Variants in SNAPC4 observed in about 807,000 individuals in gnomAD.
The protein encoded by SNAPC4 is small nuclear RNA activating complex polypeptide 4, also known as snRNA-activating protein complex subunit 4.
In SNAPC4, 127 loss-of-function variants were observed where a neutral mutation model predicts 151.3. The ratio of observed to expected loss-of-function variants is 0.84; its 90% CI spans 0.73 to 0.97. The LOEUF is 0.97. SNAPC4 is among the 50% of genes least tolerant of loss of function. The pLI is 0.00. For missense variants in SNAPC4, 2,186 were observed against 1,935.0 expected (o/e 1.13, Z -2.43); for synonymous variants, 1,002 against 824.4 (o/e 1.22, Z -3.69).
In SNAPC4 at chr9:136,382,030, C is replaced by T. The variant is rs781312812; in HGVS notation, c.2111G>A (p.Gly704Glu). ...RQPPLPTSSP[G>E]VSSGDSVARS... ...GGCCACGCTGTCACCAGAGCTGACC[C>T]CTGGGGATGAGGTGGGCAGGGGTGG... is the stretch of plus-strand genomic sequence containing the variant. Residue 704 changes from glycine to glutamate, a missense_variant, in exon 18 of 24, where the codon GGG becomes GAG. Coordinates refer to ENST00000684778, the MANE Select transcript of SNAPC4 (RefSeq NM_003086.4). 1 of 1,604,958 alleles carries T rather than the reference C, an allele frequency of 6.2e-7. No individual in the cohort carries two copies. Among genetic ancestry groups the T allele is most frequent in the South Asian group, 1.1e-5 (1 of 90,134 alleles).
chr9:136,376,854 C>T (rs1401281777), intron 22 of SNAPC4, among the ~76,000 whole-genome samples: 6 of 152,196 alleles, frequency 3.9e-5, no homozygotes, highest in Non-Finnish European at 8.8e-5. Context: ...CAGGGACTTG[C>T]GAGACACAAC....
intron 22 of SNAPC4, among the ~76,000 whole-genome samples, chr9:136,376,842 C>A (rs371840940): frequency 6.6e-6 from 1 of 152,198 alleles, no homozygotes; most frequent in South Asian, 2.1e-4. Flanking sequence ...CACACTTCAG[C>A]CCAGGGACTT....
In SNAPC4 at chr9:136,383,355, C is replaced by G. The variant is rs763899651; in HGVS notation, c.1814G>C (p.Ser605Thr). ...AASLSPPKGSSASQGGSKEAS... is the reference protein window; with the variant it reads ...AASLSPPKGSTASQGGSKEAS... ...TTCCTTGCTGCCGCCCTGGCTGGCA[C>G]TGGACCCCTTGGGAGGGCTGAGGGA... The change falls in exon 16 of 24, where the codon AGT becomes ACT. Residue 605 changes from serine (S) to threonine (T), a missense_variant. Transcript: ENST00000684778. This position sits in a 1 kb window ranked among gnomAD's most constrained non-coding sequence, Gnocchi z 4.2. 35 of 1,607,448 alleles carry G rather than the reference C, an allele frequency of 2.2e-5. No homozygotes were observed. The highest frequency in any genetic ancestry group is 2.7e-5 in the Non-Finnish European group (32 of 1,177,548).
intron 19 of SNAPC4, 47 bp from the exon 20 acceptor site, chr9:136,380,897 G>C (rs1317422842): frequency 3.5e-6 from 4 of 1,143,826 alleles, no homozygotes; most frequent in Non-Finnish European, 5.3e-6. Flanking sequence ...TTCGGGAGCA[G>C]CTCCGAAGCT....
At position 136,379,143 on chromosome 9, in the gene SNAPC4, T is replaced by TC; in HGVS notation, c.2683dup (p.Glu895GlyfsTer145). 5 of 1,577,372 alleles carry TC rather than the reference T, an allele frequency of 3.2e-6. No individual in the cohort carries two copies. The highest frequency in any genetic ancestry group is 4.3e-6 in the Non-Finnish European group (5 of 1,162,466). ...CTGAAGCCGCTTCTCCTGAAGCAGC[T>TC]CCGACACAGTCTTGGGCTTGGGCCG... On this transcript the variant is annotated frameshift_variant, in exon 22 of 24. Transcript: ENST00000684778. LOFTEE classifies it high-confidence loss of function.
rs377155459 is a variant in SNAPC4, at chr9:136,383,295, G to C, written c.1874C>G (p.Thr625Arg). Reference protein sequence around the residue: ...STTAAAPGEETSPVQVPARAH... With the variant: ...STTAAAPGEERSPVQVPARAH... ...CCTGGCAGGGACCTGCACCGGACTC[G>C]TCTCCTCTCCAGGAGCCGCGGCTGT... The change falls in exon 16 of 24, where the codon ACG becomes AGG. Residue 625 changes from threonine to arginine, a missense_variant. Transcript: ENST00000684778. The surrounding 1 kb of genome is among the most constrained non-coding windows in gnomAD (Gnocchi z 4.2). 6.2e-7 allele frequency: 1 copy of C among 1,611,982 alleles called. No individual in the cohort carries two copies. Among genetic ancestry groups the C allele is most frequent in the Non-Finnish European group, 8.5e-7 (1 of 1,179,720 alleles).
At chr9:136,399,254 G>C (rs1834372832) in intron 1 of SNAPC4, among the ~76,000 whole-genome samples, 1 of 152,204 alleles carries the variant, frequency 6.6e-6, no homozygotes, top group Non-Finnish European at 1.5e-5. Context: ...GGCTGACTGG[G>C]GCCCTGCCCA....
intron 9 of SNAPC4, 118 bp from the exon 10 acceptor site, chr9:136,392,224 C>A (rs538644917): frequency 7.8e-7 from 1 of 1,288,660 alleles, no homozygotes; most frequent in South Asian, 1.2e-5. Flanking sequence ...TGCAAGTAAG[C>A]GCAATCTTCG....
chr9:136,393,682 G>A (rs975413018), intron 7 of SNAPC4, among the ~76,000 whole-genome samples: 8 of 152,036 alleles, frequency 5.3e-5, no homozygotes, highest in South Asian at 2.1e-4. Flanking sequence ...TGGCCGTGTG[G>A]ACCGACCCCG....
chr9:136,388,020 C>A (rs1833947840), intron 11 of SNAPC4, among the ~76,000 whole-genome samples, 172 bp from the exon 12 acceptor site: 2 of 152,166 alleles, frequency 1.3e-5, no homozygotes, highest in African/African-American at 4.8e-5. Flanking sequence ...GTCATCCCAG[C>A]ACTTTGGGAG....
In SNAPC4 at chr9:136,378,760, G is replaced by C; in HGVS notation, c.3067C>G (p.Leu1023Val). The C allele has an allele frequency of 6.5e-7, 1 of 1,535,144 alleles. No individual in the cohort carries two copies. Among genetic ancestry groups the C allele is most frequent in the Non-Finnish European group, 8.8e-7 (1 of 1,140,434 alleles). Residue 1023 changes from leucine (L) to valine (V), a missense_variant, in exon 22 of 24, where the codon CTC (leucine) becomes GTC (valine). Coordinates refer to ENST00000684778, the MANE Select transcript of SNAPC4 (RefSeq NM_003086.4). ...GCAGCGGGGGCCTGAGACTGTCCGA[G>C]ACCACTCTCGGGGCAGCTCACAGAG... is the stretch of plus-strand genomic sequence containing the variant. ...QISVSCPESG[L>V]GQSQAPAASR...
chr9:136,394,164 CTTGGCCTCCCAAAGTGCTGGGATTCCAGG>C (rs1162073540), intron 7 of SNAPC4, 56 bp downstream of exon 7: 1 of 1,090,190 alleles, frequency 9.2e-7, no homozygotes, highest in Admixed American at 1.7e-5. Flanking sequence ...ATCCTCCTGC[CTTGGCCTCCCAAAGTGCTGGGATTCCAGG>C]CATGAGCCCT....
chr9:136,381,781 C>T (rs756907723), intron 18 of SNAPC4, 43 bp downstream of exon 18: 4 of 1,584,468 alleles, frequency 2.5e-6, no homozygotes, highest in Non-Finnish European at 3.4e-6. Flanking sequence ...TTCATCCTCA[C>T]CCCTCGCCCC....
chr9:136,384,348 C>A (rs1049087350), intron 14 of SNAPC4, among the ~76,000 whole-genome samples: 1 of 152,228 alleles, frequency 6.6e-6, no homozygotes, highest in African/African-American at 2.4e-5. Context: ...CCGCTCTTCA[C>A]AGTGTGGGGC....
Position 136,380,841 on chromosome 9 carries a change from T to C in SNAPC4, c.2398A>G (p.Ile800Val), listed in dbSNP as rs1335429245. The C allele has an allele frequency of 1.9e-6, 3 of 1,602,144 alleles. No individual in the cohort carries two copies. In the South Asian group the frequency reaches 3.3e-5, roughly 18 times the overall value. ...VFTLFTQLFH[I>V]DTAGCLEVVR... ...ACCTCCAAGCAGCCGGCAGTATCGA[T>C]GTGGAACAGCTGCGGGACACAGGAG... is the stretch of plus-strand genomic sequence containing the variant. The change falls in exon 20 of 24, where the codon ATC (isoleucine) becomes GTC (valine). Residue 800 changes from isoleucine to valine, a missense_variant. Transcript: ENST00000684778.
Position 136,377,581 on chromosome 9 carries a change from C to T in SNAPC4, c.4246G>A (p.Gly1416Arg), listed in dbSNP as rs772263342. Residue 1416 changes from glycine to arginine, a missense_variant, in exon 22 of 24, where the codon GGG becomes AGG. Coordinates refer to ENST00000684778, the MANE Select transcript of SNAPC4 (RefSeq NM_003086.4). ...LSELELADRD[G>R]QPGCTTATCP... ...GTGGCTGTCGTGCAGCCCGGCTGCC[C>T]GTCCCTGTCTGCAAGTTCCAGCTCA... The T allele has an allele frequency of 2.6e-5, 40 of 1,525,328 alleles. No individual in the cohort carries two copies. The highest frequency in any genetic ancestry group is 1.8e-4 in the Middle Eastern group (1 of 5,666). The allele number at this position is 1,525,328 out of a possible 1,614,324, so 94.5% of individuals were successfully genotyped here. A position where few individuals can be genotyped will look rare whatever the true frequency, so the allele number is the denominator to read the frequency against.
chr9:136,395,021 C>T (rs1428947724), intron 5 of SNAPC4, 143 bp from the exon 6 acceptor site: 5 of 795,454 alleles, frequency 6.3e-6, no homozygotes, highest in East Asian at 2.7e-5. Context: ...GGGTGCAACC[C>T]TGCCGGCCAC....
rs112457079 is a variant in SNAPC4 at position 136,383,717 on chromosome 9, C to T, written c.1501-49G>A. 2,699 of 1,561,536 alleles carry T rather than the reference C, an allele frequency of 1.7e-3. 37 individuals carry two copies. The African/African-American group carries it at 0.031, about 18-fold the overall frequency. On this transcript the variant is annotated intron_variant, in intron 15 of 23. Transcript: ENST00000684778. The surrounding 1 kb of genome is among the most constrained non-coding windows in gnomAD (Gnocchi z 4.2). ...AGAGGCCTTGGCAAGCCCGGTTCAC[C>T]CATGATGGCAGCAAGCAGGCCAGCC...
chr9:136,394,328 T>C lies in SNAPC4; in HGVS notation c.553A>G (p.Lys185Glu), dbSNP rs1588765410. 6.2e-7 allele frequency: 1 copy of C among 1,613,436 alleles called. No individual in the cohort carries two copies. Among genetic ancestry groups the C allele is most frequent in the East Asian group, 2.2e-5 (1 of 44,882 alleles). The stretch of plus-strand genomic sequence containing the variant: ...CGGAGCAAGGCCTTTTCCCAGTTTT[T>C]CCCTGAGGAGAAGCCACAGCATCAT... ...AFEELLVTKW[K>E]NWEKALLRKS... The change falls in exon 7 of 24, where the codon AAA (lysine) becomes GAA (glutamate). Residue 185 changes from lysine (K) to glutamate (E), a missense_variant and splice_region_variant. Lys to Glu is a moderately conservative substitution (Grantham distance 56). Coordinates refer to ENST00000684778, the MANE Select transcript of SNAPC4 (RefSeq NM_003086.4).
Sources: gnomAD v4.1 joint callset for allele counts (sites outside exome capture counted in the v4.1 genomes callset) on GRCh38, gnomAD v4.1.1 for gene constraint, Gnocchi (gnomAD v3.1) non-coding constraint, MANE v1.5 for transcripts, NCBI Gene and HGNC (gene_info 2026-07-23, HGNC 2026-07-21) for gene names.